USP46: variants seen among roughly 807,000 people sequenced by gnomAD.
USP46 encodes the protein ubiquitin carboxyl-terminal hydrolase 46.
A neutral mutation model predicts 44.4 loss-of-function variants in USP46; 12 were observed. The observed-to-expected ratio is 0.27, with a 90% CI of 0.17 to 0.44. USP46 has a LOEUF of 0.44. USP46 is among the 20% of genes least tolerant of loss of function. The pLI, the probability that USP46 is intolerant of heterozygous loss-of-function variation, is 1.00. For missense variants in USP46, 248 were observed against 444.8 expected (o/e 0.56, Z 3.98); for synonymous variants, 155 against 161.5 (o/e 0.96, Z 0.31).
At chr4:52,600,067 C>T (rs1309996330) in intron 7 of USP46, among the ~76,000 whole-genome samples, 2 of 152,162 alleles carry the variant, frequency 1.3e-5, no homozygotes, top group Non-Finnish European at 2.9e-5. Context: ...TAGCACTGAT[C>T]AAAATCATAA....
intron 4 of USP46, among the ~76,000 whole-genome samples, chr4:52,623,358 T>C (rs1717451078): frequency 6.6e-6 from 1 of 152,146 alleles, no homozygotes; most frequent in Admixed American, 6.5e-5. Flanking sequence ...TAAAAAACTA[T>C]AATGGATTAA....
intron 1 of USP46, among the ~76,000 whole-genome samples, chr4:52,645,058 AAAC>A (rs1442321977): frequency 6.6e-6 from 1 of 151,900 alleles, no homozygotes; most frequent in Non-Finnish European, 1.5e-5. Flanking sequence ...CTCCATCTCA[AAAC>A]AACAACAACA....
At chr4:52,609,051 C>G (rs1716812716) in intron 5 of USP46, among the ~76,000 whole-genome samples, 1 of 152,162 alleles carries the variant, frequency 6.6e-6, no homozygotes, top group South Asian at 2.1e-4. Context: ...GAAAAAACAT[C>G]TTTCTTTCTC....
intron 4 of USP46, among the ~76,000 whole-genome samples, chr4:52,616,626 G>C (rs528351692): frequency 6.6e-6 from 1 of 152,324 alleles, no homozygotes; most frequent in African/African-American, 2.4e-5. Context: ...GCCCGCCTCA[G>C]CCTCCCAAAG....
intron 1 of USP46, among the ~76,000 whole-genome samples, chr4:52,650,729 T>C (rs769458589): frequency 6.6e-6 from 1 of 152,214 alleles, no homozygotes; most frequent in Non-Finnish European, 1.5e-5. Flanking sequence ...ACAGGTGATA[T>C]GATATAAAGC....
rs143420895 is a variant in USP46 at position 52,618,111 on chromosome 4, T to C, written c.562-7494A>G. ...AAAATCATATTCAGGCCAGGCACAG[T>C]AGTGGCTCACGCCTATAATCCCAGT... is the stretch of plus-strand genomic sequence containing the variant. On this transcript the variant is annotated intron_variant, in intron 4 of 8. Transcript: ENST00000441222. 1.6e-4 allele frequency among the ~76,000 whole-genome samples: 25 copies of C among 152,204 alleles called. 1 individual carries two copies. In the East Asian group the frequency reaches 4.9e-3, roughly 30 times the overall value.
intron 1 of USP46, chr4:52,656,480 C>G: frequency 6.9e-7 from 1 of 1,453,262 alleles, no homozygotes; most frequent in South Asian, 1.5e-5. Flanking sequence ...TTAAGGATTC[C>G]CACTCCAGCC....
chr4:52,636,705 C>CAAAAAA (rs1182691689), intron 1 of USP46, among the ~76,000 whole-genome samples: 1 of 36,160 alleles, frequency 2.8e-5, no homozygotes, highest in Non-Finnish European at 5.8e-5. Flanking sequence ...GACTCTGTCT[C>CAAAAAA]AAAAAAAAAA....
intron 2 of USP46, chr4:52,629,785 A>G: frequency 2.2e-6 from 1 of 453,788 alleles, no homozygotes; most frequent in South Asian, 1.6e-5. Context: ...CTTCATTATC[A>G]CCCAAAGGGT....
chr4:52,622,092 T>G (rs934241922), intron 4 of USP46, among the ~76,000 whole-genome samples: 1 of 152,230 alleles, frequency 6.6e-6, no homozygotes, highest in Non-Finnish European at 1.5e-5. Flanking sequence ...TGCGTATGTA[T>G]GTACAACTAC....
intron 1 of USP46, among the ~76,000 whole-genome samples, chr4:52,641,229 A>T (rs1302602893): frequency 1.3e-5 from 2 of 152,188 alleles, no homozygotes; most frequent in Non-Finnish European, 2.9e-5. Context: ...CTTGGGGGGT[A>T]AATCACAGGG....
At chr4:52,650,080 A>G (rs1020825195) in intron 1 of USP46, among the ~76,000 whole-genome samples, 2 of 152,258 alleles carry the variant, frequency 1.3e-5, no homozygotes, top group Non-Finnish European at 2.9e-5. Context: ...GCATCCTAAA[A>G]GCAGCATATT....
rs117331917 is a variant in USP46 at position 52,635,464 on chromosome 4, C to T, written c.37-4320G>A. ...AGGGTTTCTCCAGTGCATTCACTCTCCACTCCATAGTGCTCATTTCCAATG... is the reference window on the plus strand; with the variant it reads ...AGGGTTTCTCCAGTGCATTCACTCTTCACTCCATAGTGCTCATTTCCAATG... On this transcript the variant is annotated intron_variant, in intron 1 of 8. Coordinates refer to ENST00000441222, the MANE Select transcript of USP46 (RefSeq NM_022832.4). 3.8e-4 allele frequency among the ~76,000 whole-genome samples: 58 copies of T among 152,342 alleles called. 1 individual carries two copies. In the East Asian group the frequency reaches 0.01, roughly 26 times the overall value.
intron 4 of USP46, among the ~76,000 whole-genome samples, chr4:52,610,857 A>T (rs1231294674): frequency 6.6e-6 from 1 of 152,086 alleles, no homozygotes; most frequent in Non-Finnish European, 1.5e-5. Context: ...TAATAGTTAA[A>T]ACTCAACCAG....
At chr4:52,613,704 A>G (rs1222644042) in intron 4 of USP46, among the ~76,000 whole-genome samples, 8 of 150,730 alleles carry the variant, frequency 5.3e-5, no homozygotes, top group African/African-American at 2.0e-4. Flanking sequence ...CCTGGGTGAC[A>G]GAGCAAGACT....
chr4:52,600,036 C>T (rs1431523542), intron 7 of USP46, among the ~76,000 whole-genome samples: 1 of 152,224 alleles, frequency 6.6e-6, no homozygotes, highest in Non-Finnish European at 1.5e-5. Context: ...CTCACTCCCT[C>T]ATCTCCCTGC....
At chr4:52,632,984 GAAAAGAAAAGAAAGAAA>G (rs1717947705) in intron 1 of USP46, among the ~76,000 whole-genome samples, 3 of 52,536 alleles carry the variant, frequency 5.7e-5, no homozygotes, top group African/African-American at 1.8e-4. Context: ...AAGAAAGAAA[GAAAAGAAAAGAAAGAAA>G]GAAAGAAAGA....
intron 1 of USP46, among the ~76,000 whole-genome samples, chr4:52,640,806 CAA>C (rs757615381): frequency 1.7e-4 from 14 of 82,560 alleles, no homozygotes; most frequent in Non-Finnish European, 1.5e-4. Context: ...AACTCCATCT[CAA>C]AAAAAAAAAA....
intron 1 of USP46, among the ~76,000 whole-genome samples, chr4:52,644,824 G>A (rs58678302): frequency 3.3e-5 from 5 of 151,528 alleles, no homozygotes; most frequent in African/African-American, 9.7e-5. Context: ...TTGAGAGGCC[G>A]AGGTGGGTGG....
Sources: gnomAD v4.1 joint callset for allele counts (sites outside exome capture counted in the v4.1 genomes callset) on GRCh38, gnomAD v4.1.1 for gene constraint, MANE v1.5 for transcripts, NCBI Gene and HGNC (gene_info 2026-07-23, HGNC 2026-07-21) for gene names.